TFPI: variants seen among roughly 807,000 people sequenced by gnomAD.
TFPI encodes tissue factor pathway inhibitor.
TFPI carries 15 observed loss-of-function variants against 34.6 expected under a neutral mutation model. That is an observed-to-expected ratio of 0.43 (90% CI 0.29 to 0.67). The LOEUF (loss-of-function observed/expected upper bound fraction) is 0.67, where lower values mean the gene tolerates loss of function less well. Among genes scored for constraint, TFPI ranks in the 30% least tolerant of loss-of-function variants. TFPI has a pLI of 0.15. For missense variants in TFPI, 301 were observed against 364.0 expected (o/e 0.83, Z 1.41); for synonymous variants, 105 against 120.1 (o/e 0.87, Z 0.82).
intron 1 of TFPI, among the ~76,000 whole-genome samples, chr2:187,548,849 C>T (rs528912839): frequency 6.6e-6 from 1 of 152,014 alleles, no homozygotes; most frequent in African/African-American, 2.4e-5. Flanking sequence ...CAAATTCCCC[C>T]AGATTAAACA....
chr2:187,534,485 G>T (rs1290011463), intron 1 of TFPI, among the ~76,000 whole-genome samples: 3 of 152,106 alleles, frequency 2.0e-5, no homozygotes, highest in African/African-American at 7.2e-5. Context: ...CATAAGTGAA[G>T]TATAAATAAA....
At chr2:187,526,436 A>C (rs1473147806) in intron 1 of TFPI, among the ~76,000 whole-genome samples, 1 of 152,142 alleles carries the variant, frequency 6.6e-6, no homozygotes, top group African/African-American at 2.4e-5. Context: ...ATAGCAACAG[A>C]TATTGACAAA....
intron 4 of TFPI, 128 bp downstream of exon 4, chr2:187,488,209 G>T (rs1693429512): frequency 1.6e-6 from 1 of 635,270 alleles, no homozygotes; most frequent in Admixed American, 3.5e-5. Context: ...CAATCTCAGA[G>T]AAACTTAAGA....
Position 187,484,181 on chromosome 2 carries a change from G to A in TFPI, c.571C>T (p.Leu191Phe). ...GTCAGGGAGTTATTCACAGCATTGAGCTGGGTTCCATAATTATCCACCTGG... is the reference window on the plus strand; with the variant it reads ...GTCAGGGAGTTATTCACAGCATTGAACTGGGTTCCATAATTATCCACCTGG... ...GFQVDNYGTQLNAVNNSLTPQ... is the reference protein window; with the variant it reads ...GFQVDNYGTQFNAVNNSLTPQ... Residue 191 changes from leucine to phenylalanine, a missense_variant, in exon 6 of 8, where the codon CTC (leucine) becomes TTC (phenylalanine). Physicochemically the swap from Leu to Phe is conservative, Grantham distance 22. Transcript: ENST00000233156. 1.2e-6 allele frequency: 2 copies of A among 1,612,252 alleles called. No homozygotes were observed. The highest frequency in any genetic ancestry group is 2.2e-5 in the South Asian group (2 of 90,992).
intron 1 of TFPI, among the ~76,000 whole-genome samples, chr2:187,513,176 C>G (rs112292762): frequency 1.3e-5 from 2 of 152,098 alleles, no homozygotes; most frequent in Non-Finnish European, 2.9e-5. Context: ...AAAGAAAATT[C>G]TGTGTGTAAA....
intron 4 of TFPI, among the ~76,000 whole-genome samples, chr2:187,485,961 T>C (rs1253021634): frequency 1.3e-5 from 2 of 151,622 alleles, no homozygotes; most frequent in Non-Finnish European, 3.0e-5. Flanking sequence ...CACAAGTATT[T>C]TACAATAAAA....
chr2:187,491,062 A>G (rs1685090464), intron 3 of TFPI, among the ~76,000 whole-genome samples: 1 of 151,884 alleles, frequency 6.6e-6, no homozygotes, highest in Non-Finnish European at 1.5e-5. Context: ...CTTTAATACT[A>G]ATTGTACTGC....
At chr2:187,476,280 A>C (rs1165056271) in intron 6 of TFPI, among the ~76,000 whole-genome samples, 1 of 152,102 alleles carries the variant, frequency 6.6e-6, no homozygotes, top group African/African-American at 2.4e-5. Context: ...ATAATCAAAA[A>C]CTGGAAACCC....
At chr2:187,487,653 T>G (rs998800683) in intron 4 of TFPI, among the ~76,000 whole-genome samples, 2 of 151,186 alleles carry the variant, frequency 1.3e-5, no homozygotes, top group Non-Finnish European at 3.0e-5. Context: ...GGACGTTGGT[T>G]TCCCTGATCC....
intron 3 of TFPI, among the ~76,000 whole-genome samples, chr2:187,494,606 T>A (rs1184909815): frequency 6.6e-6 from 1 of 152,234 alleles, no homozygotes. Context: ...TGGCTGCCGA[T>A]TAAATTCTCT....
intron 3 of TFPI, among the ~76,000 whole-genome samples, chr2:187,495,016 C>CTTTG (rs1685376920): frequency 6.6e-6 from 1 of 152,150 alleles, no homozygotes; most frequent in Non-Finnish European, 1.5e-5. Flanking sequence ...AGCCACTGCA[C>CTTTG]CCAGCCTCAA....
chr2:187,544,596 G>A (rs1272783563), intron 1 of TFPI: 1 of 150,558 alleles, frequency 6.6e-6, no homozygotes, highest in African/African-American at 2.5e-5. Flanking sequence ...AGCTGAGATT[G>A]TGCCACTGCG....
chr2:187,479,483 C>G (rs542325772), intron 6 of TFPI, among the ~76,000 whole-genome samples: 1 of 141,452 alleles, frequency 7.1e-6, no homozygotes, highest in African/African-American at 2.6e-5. Context: ...TGTCTCATGT[C>G]TATACAGCCT....
intron 1 of TFPI, among the ~76,000 whole-genome samples, chr2:187,533,330 G>T (rs1688069876): frequency 6.6e-6 from 1 of 152,118 alleles, no homozygotes; most frequent in Non-Finnish European, 1.5e-5. Flanking sequence ...GCTGGCATAT[G>T]GTGGGTTCCC....
At chr2:187,498,428 T>C (rs1298591514) in intron 2 of TFPI, among the ~76,000 whole-genome samples, 1 of 151,802 alleles carries the variant, frequency 6.6e-6, no homozygotes, top group East Asian at 1.9e-4. Flanking sequence ...TTAGTAATGT[T>C]AAAACTTTTT....
intron 6 of TFPI, chr2:187,483,899 CA>C: frequency 2.0e-6 from 1 of 491,598 alleles, no homozygotes. Context: ...GATACATAAT[CA>C]AAAGCTTACT....
chr2:187,477,312 A>G (rs533771244), intron 6 of TFPI, among the ~76,000 whole-genome samples: 1 of 152,354 alleles, frequency 6.6e-6, no homozygotes, highest in Non-Finnish European at 1.5e-5. Flanking sequence ...CCAACTTGTC[A>G]GAAAATCAGA....
chr2:187,545,388 G>C (rs1256685825), intron 1 of TFPI, among the ~76,000 whole-genome samples: 1 of 152,130 alleles, frequency 6.6e-6, no homozygotes, highest in African/African-American at 2.4e-5. Flanking sequence ...AAATGGAGAT[G>C]AGGTCACACA....
intron 6 of TFPI, among the ~76,000 whole-genome samples, chr2:187,480,767 A>G (rs1692796954): frequency 1.3e-5 from 2 of 152,186 alleles, no homozygotes; most frequent in South Asian, 4.1e-4. Context: ...GGATATGCTT[A>G]CAAATCATTA....
Sources: allele counts gnomAD v4.1 joint callset (sites outside exome capture counted in the v4.1 genomes callset), GRCh38; gene constraint gnomAD v4.1.1; transcripts MANE v1.5; gene names NCBI Gene and HGNC (gene_info 2026-07-23, HGNC 2026-07-21).